Variants in CSMD1 observed in about 807,000 individuals in gnomAD.
The protein encoded by CSMD1 is CUB and sushi domain-containing protein 1.
Under a neutral mutation model 417.5 loss-of-function variants are expected in CSMD1, and 213 were observed. The observed-to-expected ratio is 0.51, with a 90% CI of 0.46 to 0.57. CSMD1 has a LOEUF of 0.57. CSMD1 is among the 20% of genes least tolerant of loss of function. The pLI is 0.00. For missense variants in CSMD1, 6,923 were observed against 4,529.7 expected, an observed-to-expected ratio of 1.53 and a Z score of -15.17; for synonymous variants, 2,862 against 1,736.8, an observed-to-expected ratio of 1.65 and a Z score of -16.11.
chr8:4,504,763 G>T (rs1048857097), intron 2 of CSMD1, among the ~76,000 whole-genome samples: 6 of 152,098 alleles, frequency 3.9e-5, no homozygotes, highest in African/African-American at 9.7e-5. Context: ...TTAGTTTGCT[G>T]AGAATGATGG....
At position 3,367,236 on chromosome 8, in the gene CSMD1, T is replaced by A. The variant is rs1353201244; in HGVS notation, c.2911A>T (p.Ile971Phe). The change falls in exon 20 of 70, where the codon ATC becomes TTC. Residue 971 changes from isoleucine (I) to phenylalanine (F), a missense_variant. Coordinates refer to ENST00000635120, the MANE Select transcript of CSMD1 (RefSeq NM_033225.6). ...CTCTCAAGATGAAAGGTGTGAAAGA[T>A]CATTTGAACTCCTGAGAAATGAAGC... ...EVSHGKGVQM[I>F]FHTFHLESSH... is the part of the protein sequence containing the mutation. 7 of 1,609,466 alleles carry A rather than the reference T, an allele frequency of 4.3e-6. No homozygotes were observed. The highest frequency in any genetic ancestry group is 5.9e-6 in the Non-Finnish European group (7 of 1,177,808).
chr8:4,181,363 A>ATTT, intron 3 of CSMD1, among the ~76,000 whole-genome samples: 1 of 136,616 alleles, frequency 7.3e-6, no homozygotes, highest in Middle Eastern at 3.6e-3. Context: ...TCATTTATTT[A>ATTT]TTTATTTTTT....
intron 5 of CSMD1, among the ~76,000 whole-genome samples, chr8:3,907,293 G>A (rs2688291): frequency 6.6e-6 from 1 of 152,082 alleles, no homozygotes; most frequent in Non-Finnish European, 1.5e-5. Flanking sequence ...GACTTTTTAA[G>A]AAGACATTAA....
intron 1 of CSMD1, among the ~76,000 whole-genome samples, chr8:4,732,401 T>G (rs1809959127): frequency 6.8e-6 from 1 of 146,886 alleles, no homozygotes. Context: ...TCCCCTGAGA[T>G]TCTCACTCTG....
chr8:3,967,571 G>C (rs1310460541), intron 5 of CSMD1, among the ~76,000 whole-genome samples: 1 of 152,104 alleles, frequency 6.6e-6, no homozygotes, highest in East Asian at 1.9e-4. Context: ...AATATCACCA[G>C]CTTGACCTCT....
rs777064911 is a variant in CSMD1 at position 3,188,990 on chromosome 8, G to C, written c.5420C>G (p.Thr1807Ser). Reference protein sequence around the residue: ...SCVVPCSGNFTQRRGTILSPG... With the variant: ...SCVVPCSGNFSQRRGTILSPG... Reference sequence around the variant, plus strand: ...GGACAGGATTGTACCTCTTCGTTGAGTGAAATTGCCACTGCAGGGTACTAA... The same window carrying C: ...GGACAGGATTGTACCTCTTCGTTGACTGAAATTGCCACTGCAGGGTACTAA... The change falls in exon 35 of 70, where the codon ACT (threonine) becomes AGT (serine). Residue 1807 changes from threonine (T) to serine (S), a missense_variant. Thr to Ser is a moderately conservative substitution (Grantham distance 58). Transcript: ENST00000635120. 11 of 1,613,202 alleles carry C rather than the reference G, an allele frequency of 6.8e-6. No homozygotes were observed. In the South Asian group the frequency reaches 7.7e-5, roughly 11 times the overall value.
chr8:3,027,644 A>T (rs918195607), intron 51 of CSMD1, among the ~76,000 whole-genome samples: 2 of 152,252 alleles, frequency 1.3e-5, no homozygotes, highest in Non-Finnish European at 2.9e-5. Flanking sequence ...CAGGCAGCTG[A>T]CAATTTAGAA....
rs567473313 is a variant in CSMD1, at chr8:4,892,159, A to C, written c.85+102173T>G. Among the ~76,000 whole-genome samples, 92 of 152,256 alleles carry C rather than the reference A, an allele frequency of 6.0e-4. 1 individual carries two copies. The highest frequency in any genetic ancestry group is 2.2e-3 in the African/African-American group (91 of 41,512). On this transcript the variant is annotated intron_variant, in intron 1 of 69. Transcript: ENST00000635120. ...CATTTGTCACCTGCAATTTGAACAA[A>C]GTAGTTTCATTAAGGCATAATTGAA...
intron 3 of CSMD1, among the ~76,000 whole-genome samples, chr8:4,078,620 T>G (rs1032557533): frequency 1.3e-5 from 2 of 151,754 alleles, no homozygotes; most frequent in African/African-American, 4.8e-5. Context: ...TTTTTTTTTT[T>G]TAGTTTTTCT....
chr8:3,508,732 C>CA lies in CSMD1; in HGVS notation c.1345-15007dup, dbSNP rs1332002570. Among the ~76,000 whole-genome samples the CA allele has an allele frequency of 5.3e-5, 8 of 152,100 alleles. No homozygotes were observed. The East Asian group carries it at 5.8e-4, about 11-fold the overall frequency. On this transcript the variant is annotated intron_variant, in intron 10 of 69. Coordinates refer to ENST00000635120, the MANE Select transcript of CSMD1 (RefSeq NM_033225.6). ...GTCATGAATATTTTAAAATTTAAAACAAATAAAATTATCATTCTATTTAGA... is the reference window on the plus strand; with the variant it reads ...GTCATGAATATTTTAAAATTTAAAACAAAATAAAATTATCATTCTATTTAGA...
At chr8:4,495,295 G>C (rs1292655631) in intron 2 of CSMD1, among the ~76,000 whole-genome samples, 1 of 152,188 alleles carries the variant, frequency 6.6e-6, no homozygotes, top group Non-Finnish European at 1.5e-5. Context: ...TGATTTCTCA[G>C]CTGGGCACGG....
intron 5 of CSMD1, among the ~76,000 whole-genome samples, chr8:3,895,855 A>G (rs1807321966): frequency 6.6e-6 from 1 of 152,154 alleles, no homozygotes; most frequent in Non-Finnish European, 1.5e-5. Flanking sequence ...CTTCCAGACA[A>G]GTCGGATGGG....
intron 4 of CSMD1, among the ~76,000 whole-genome samples, chr8:4,000,020 C>G (rs188358949): frequency 6.6e-6 from 1 of 152,204 alleles, no homozygotes; most frequent in African/African-American, 2.4e-5. Flanking sequence ...AAACCAAACA[C>G]GAATAAAAAT....
rs549104655 is a variant in CSMD1 at position 4,043,735 on chromosome 8, T to C, written c.416-11636A>G. Among the ~76,000 whole-genome samples the C allele has an allele frequency of 3.3e-5, 5 of 152,310 alleles. No homozygotes were observed. In the South Asian group the frequency reaches 8.3e-4, roughly 25 times the overall value. On this transcript the variant is annotated intron_variant, in intron 3 of 69. Transcript: ENST00000635120. ...ACCTTAAAATAAGATTTATTACTAA[T>C]AGATACTATTGATATCTTGCTGAGC...
At chr8:3,708,827 C>T (rs946889674) in intron 6 of CSMD1, among the ~76,000 whole-genome samples, 1 of 152,168 alleles carries the variant, frequency 6.6e-6, no homozygotes, top group Non-Finnish European at 1.5e-5. Context: ...AGGCAGATCA[C>T]TCACTTCATG....
At chr8:4,356,474 T>A (rs1481304367) in intron 3 of CSMD1, among the ~76,000 whole-genome samples, 3 of 152,210 alleles carry the variant, frequency 2.0e-5, no homozygotes, top group Non-Finnish European at 4.4e-5. Context: ...CTTCTTTTCC[T>A]CTGAGTAGAT....
chr8:4,442,261 TTTG>T (rs1192723063), intron 2 of CSMD1, among the ~76,000 whole-genome samples: 1 of 152,166 alleles, frequency 6.6e-6, no homozygotes, highest in Non-Finnish European at 1.5e-5. Context: ...TCTTTAAAAT[TTTG>T]TTTTTATAAC....
chr8:4,211,378 C>T (rs773997996), intron 3 of CSMD1, among the ~76,000 whole-genome samples: 3 of 152,066 alleles, frequency 2.0e-5, no homozygotes, highest in Non-Finnish European at 4.4e-5. Flanking sequence ...TGAAGTAATG[C>T]AATTCATTTA....
chr8:3,511,723 T>C (rs1260177284), intron 10 of CSMD1, among the ~76,000 whole-genome samples: 1 of 149,686 alleles, frequency 6.7e-6, no homozygotes, highest in Admixed American at 6.7e-5. Context: ...ACTATTGCCC[T>C]CCAGCAGGGG....
Sources: gnomAD v4.1 joint callset for allele counts (sites outside exome capture counted in the v4.1 genomes callset) on GRCh38, gnomAD v4.1.1 for gene constraint, MANE v1.5 for transcripts, NCBI Gene and HGNC (gene_info 2026-07-23, HGNC 2026-07-21) for gene names.